Variants in CRYBG1 observed in about 807,000 individuals in gnomAD.
The protein encoded by CRYBG1 is crystallin beta-gamma domain containing 1, also known as beta/gamma crystallin domain-containing protein 1.
A neutral mutation model predicts 189.2 loss-of-function variants in CRYBG1; 139 were observed. The observed-to-expected ratio is 0.73, with a 90% CI of 0.64 to 0.85. The LOEUF (loss-of-function observed/expected upper bound fraction) is 0.85. Among genes scored for constraint, CRYBG1 ranks in the 40% least tolerant of loss-of-function variants. The pLI, the probability that CRYBG1 is intolerant of heterozygous loss-of-function variation, is 0.00. For missense variants in CRYBG1, 2,611 were observed against 2,675.8 expected, an observed-to-expected ratio of 0.98 and a Z score of 0.53; for synonymous variants, 1,023 against 1,017.1, an observed-to-expected ratio of 1.01 and a Z score of -0.11.
intron 11 of CRYBG1, among the ~76,000 whole-genome samples, 176 bp from the exon 12 acceptor site, chr6:106,544,392 GTTA>G (rs1774212677): frequency 6.6e-6 from 1 of 151,986 alleles, no homozygotes; most frequent in African/African-American, 2.4e-5. Context: ...TGTCTCTTAG[GTTA>G]TTTTCTTGGG....
chr6:106,528,447 T>A (rs1773803426), intron 7 of CRYBG1, among the ~76,000 whole-genome samples: 1 of 152,234 alleles, frequency 6.6e-6, no homozygotes, highest in African/African-American at 2.4e-5. Flanking sequence ...CTTTTATTTT[T>A]TGAATTTTCT....
intron 1 of CRYBG1, among the ~76,000 whole-genome samples, chr6:106,386,747 G>T (rs1770398172): frequency 6.6e-6 from 1 of 152,198 alleles, no homozygotes; most frequent in African/African-American, 2.4e-5. Context: ...AGCTCAGGTG[G>T]TAATGCAAGT....
At chr6:106,455,712 A>G (rs920308384) in intron 2 of CRYBG1, among the ~76,000 whole-genome samples, 2 of 152,182 alleles carry the variant, frequency 1.3e-5, no homozygotes, top group South Asian at 2.1e-4. Flanking sequence ...CCTCACATTC[A>G]AACAAGTAAA....
chr6:106,397,120 A>C (rs1377873297), intron 1 of CRYBG1, among the ~76,000 whole-genome samples: 1 of 152,144 alleles, frequency 6.6e-6, no homozygotes, highest in Non-Finnish European at 1.5e-5. Context: ...TTCTTTCCTC[A>C]AGCTTTACTA....
At chr6:106,501,559 C>T (rs913460035) in intron 2 of CRYBG1, among the ~76,000 whole-genome samples, 3 of 152,218 alleles carry the variant, frequency 2.0e-5, no homozygotes, top group Admixed American at 1.3e-4. Flanking sequence ...AGCAAAATAT[C>T]GCACTGTTAA....
At chr6:106,431,695 T>A (rs1771329456) in intron 1 of CRYBG1, among the ~76,000 whole-genome samples, 2 of 152,176 alleles carry the variant, frequency 1.3e-5, no homozygotes, top group African/African-American at 4.8e-5. Flanking sequence ...TGTTTTGTAG[T>A]GTGCTATATT....
At chr6:106,450,111 C>G (rs1771751413) in intron 1 of CRYBG1, among the ~76,000 whole-genome samples, 1 of 151,618 alleles carries the variant, frequency 6.6e-6, no homozygotes, top group African/African-American at 2.4e-5. Flanking sequence ...CCTGTAATCC[C>G]AGCTGCTGAG....
intron 13 of CRYBG1, among the ~76,000 whole-genome samples, chr6:106,547,279 A>G (rs1390221686): frequency 6.6e-6 from 1 of 152,114 alleles, no homozygotes; most frequent in Non-Finnish European, 1.5e-5. Context: ...GTGCTTCCTC[A>G]TATTTTGTTC....
chr6:106,509,422 ATTAT>A (rs1773198957), intron 2 of CRYBG1, among the ~76,000 whole-genome samples: 1 of 152,212 alleles, frequency 6.6e-6, no homozygotes, highest in Non-Finnish European at 1.5e-5. Context: ...TTCTTCCTAT[ATTAT>A]TTATATAACC....
chr6:106,387,934 G>T (rs961491105), intron 1 of CRYBG1, among the ~76,000 whole-genome samples: 1 of 152,050 alleles, frequency 6.6e-6, no homozygotes, highest in Admixed American at 6.6e-5. Context: ...TCTTCCATTG[G>T]AGCAATTATT....
chr6:106,564,264 C>CCA (rs1774808782), intron 21 of CRYBG1, among the ~76,000 whole-genome samples: 1 of 152,168 alleles, frequency 6.6e-6, no homozygotes, highest in Non-Finnish European at 1.5e-5. Context: ...CAGAATCTGG[C>CCA]CATAGGCTGA....
At chr6:106,486,182 C>A (rs995175005) in intron 2 of CRYBG1, among the ~76,000 whole-genome samples, 1 of 152,244 alleles carries the variant, frequency 6.6e-6, no homozygotes, top group South Asian at 2.1e-4. Context: ...TCTCAAGAAA[C>A]TTTTAAATTT....
intron 2 of CRYBG1, among the ~76,000 whole-genome samples, chr6:106,469,483 T>A (rs4273726): frequency 0.084 from 12,800 of 152,244 alleles, 697 homozygotes; most frequent in East Asian, 0.21. Context: ...ATTTCTTGAA[T>A]GAAGAAATGT....
chr6:106,477,478 G>T (rs1340007686), intron 2 of CRYBG1, among the ~76,000 whole-genome samples: 1 of 152,126 alleles, frequency 6.6e-6, no homozygotes, highest in African/African-American at 2.4e-5. Context: ...ATGCATCAGG[G>T]TTTTTAAGTA....
chr6:106,556,731 G>C (rs913651671), intron 17 of CRYBG1, among the ~76,000 whole-genome samples: 35 of 152,076 alleles, frequency 2.3e-4, no homozygotes, highest in African/African-American at 8.2e-4. Flanking sequence ...ACACGTAATT[G>C]CTCATTTTAG....
intron 2 of CRYBG1, among the ~76,000 whole-genome samples, chr6:106,501,790 C>A (rs890165280): frequency 1.3e-5 from 2 of 152,170 alleles, no homozygotes; most frequent in Admixed American, 6.5e-5. Context: ...ACAATTCTCA[C>A]TAGAAACTAC....
At chr6:106,550,328 A>G (rs1401591754) in intron 13 of CRYBG1, among the ~76,000 whole-genome samples, 2 of 152,256 alleles carry the variant, frequency 1.3e-5, no homozygotes, top group Admixed American at 1.3e-4. Flanking sequence ...CATAATACAT[A>G]CATAGATATT....
chr6:106,525,079 G>T, intron 4 of CRYBG1, 54 bp from the exon 5 acceptor site: 1 of 1,585,128 alleles, frequency 6.3e-7, no homozygotes, highest in Non-Finnish European at 8.7e-7. Flanking sequence ...GGAAAAAGAG[G>T]ATCGTTATGT....
intron 1 of CRYBG1, among the ~76,000 whole-genome samples, chr6:106,400,730 G>C (rs1278511016): frequency 1.3e-5 from 2 of 152,164 alleles, no homozygotes; most frequent in Non-Finnish European, 2.9e-5. Context: ...AATATAGTGA[G>C]ATAGACAGAC....
Sources: gnomAD v4.1 joint callset for allele counts (sites outside exome capture counted in the v4.1 genomes callset) on GRCh38, gnomAD v4.1.1 for gene constraint, MANE v1.5 for transcripts, NCBI Gene and HGNC (gene_info 2026-07-23, HGNC 2026-07-21) for gene names.